The following TNR variants were observed in gnomAD, a reference collection of about 807,000 sequenced individuals.
TNR encodes tenascin-R.
A neutral mutation model predicts 150.4 loss-of-function variants in TNR; 45 were observed. The ratio of observed to expected loss-of-function variants is 0.30; its 90% confidence interval spans 0.24 to 0.38. The LOEUF (loss-of-function observed/expected upper bound fraction) is 0.38, where lower values mean the gene tolerates loss of function less well. TNR is among the 10% of genes least tolerant of loss of function. The probability of loss-of-function intolerance (pLI) is 1.00; values close to 1 mark genes in which losing one functional copy is unlikely to be tolerated. For synonymous variants in TNR, 687 were observed against 678.4 expected (o/e 1.01, Z -0.20); for missense variants, 1,544 against 1,759.1 (o/e 0.88, Z 2.19).
At chr1:175,677,025 G>A (rs1665885021) in intron 1 of TNR, among the ~76,000 whole-genome samples, 1 of 152,216 alleles carries the variant, frequency 6.6e-6, no homozygotes, top group South Asian at 2.1e-4. Context: ...AAAAGAAGTA[G>A]CCGAGATAGG....
intron 2 of TNR, among the ~76,000 whole-genome samples, chr1:175,486,061 G>A (rs1261876491): frequency 6.6e-6 from 1 of 151,900 alleles, no homozygotes; most frequent in Non-Finnish European, 1.5e-5. Flanking sequence ...CCATTAACTA[G>A]GAGGTACAGG....
chr1:175,542,348 G>A (rs947535477), intron 1 of TNR, among the ~76,000 whole-genome samples: 4 of 152,164 alleles, frequency 2.6e-5, no homozygotes, highest in Admixed American at 6.5e-5. Context: ...CATGCTTGGA[G>A]GCATTTAGCC....
Position 175,354,463 on chromosome 1 carries a change from C to A in TNR, c.3310G>T (p.Asp1104Tyr), listed in dbSNP as rs952053005. 18 of 1,614,098 alleles carry A rather than the reference C, an allele frequency of 1.1e-5. No homozygotes were observed. Among genetic ancestry groups the A allele is most frequent in the Non-Finnish European group, 1.5e-5 (18 of 1,179,980 alleles). The change falls in exon 18 of 23, where the codon GAC becomes TAC. Residue 1104 changes from aspartate (D) to tyrosine (Y), a missense_variant. By Grantham distance (160) the Asp-to-Tyr change is radical. Around this residue, in one of 2 missense-constraint regions of TNR, gnomAD observed 290 missense variants for 429.7 expected, o/e 0.67. Transcript: ENST00000367674. ...IRLEGLLENT[D>Y]YTVLLQAAQD... ...GCTGCCTGCAGGAGCACCGTGTAGT[C>A]TGTGTTCTCCAACAGGCCCTCCAGT...
chr1:175,522,346 T>G (rs764103383), intron 2 of TNR, among the ~76,000 whole-genome samples: 2 of 152,196 alleles, frequency 1.3e-5, no homozygotes, highest in Non-Finnish European at 2.9e-5. Flanking sequence ...AAGTGGGAGC[T>G]AAGCTATGAG....
intron 19 of TNR, among the ~76,000 whole-genome samples, chr1:175,336,440 C>T (rs1650255840): frequency 6.6e-6 from 1 of 152,222 alleles, no homozygotes; most frequent in African/African-American, 2.4e-5. Flanking sequence ...ACCCATTTTG[C>T]ACCAGGAAAC....
chr1:175,570,719 C>T (rs1043729847), intron 1 of TNR, among the ~76,000 whole-genome samples: 2 of 151,942 alleles, frequency 1.3e-5, no homozygotes, highest in African/African-American at 2.4e-5. Context: ...TTTCACAAAT[C>T]TATTCCTTAC....
chr1:175,461,058 T>G (rs898109950), intron 2 of TNR, among the ~76,000 whole-genome samples: 9 of 152,360 alleles, frequency 5.9e-5, no homozygotes, highest in African/African-American at 2.2e-4. Flanking sequence ...GGGCTTCTGC[T>G]ATTCAGCTTG....
At chr1:175,409,297 C>G (rs1032489287) in intron 2 of TNR, among the ~76,000 whole-genome samples, 1 of 152,158 alleles carries the variant, frequency 6.6e-6, no homozygotes, top group Non-Finnish European at 1.5e-5. Context: ...CATAACACCC[C>G]GTAGCACATA....
At position 175,386,205 on chromosome 1, in the gene TNR, A is replaced by T. The variant is rs1172762877; in HGVS notation, c.1604T>A (p.Leu535His). The T allele has an allele frequency of 6.2e-7, 1 of 1,612,214 alleles. No homozygotes were observed. The highest frequency in any genetic ancestry group is 8.5e-7 in the Non-Finnish European group (1 of 1,178,586). ...IPPRAKVDFI[L>H]LKYGLVGGEG... is the part of the protein sequence containing the mutation. The stretch of plus-strand genomic sequence containing the variant: ...CCCGCCCACCAGGCCATATTTCAAA[A>T]GAATGAAATCGACTTTGGCTCGAGG... Residue 535 changes from leucine to histidine, a missense_variant, in exon 8 of 23, where the codon CTT (leucine) becomes CAT (histidine). Physicochemically the swap from Leu to His is moderately conservative, Grantham distance 99 (BLOSUM62 -3). Coordinates refer to ENST00000367674, the MANE Select transcript of TNR (RefSeq NM_003285.3).
chr1:175,635,411 G>A (rs1355144335), intron 1 of TNR, among the ~76,000 whole-genome samples: 1 of 152,232 alleles, frequency 6.6e-6, no homozygotes, highest in East Asian at 1.9e-4. Context: ...ACATTTGCCT[G>A]CAACATCAGC....
intron 1 of TNR, among the ~76,000 whole-genome samples, chr1:175,605,045 A>T (rs1663366156): frequency 6.6e-6 from 1 of 152,224 alleles, no homozygotes; most frequent in Non-Finnish European, 1.5e-5. Flanking sequence ...CAAAGGGAGA[A>T]AGTGTAGGCA....
At chr1:175,451,174 G>T (rs966242221) in intron 2 of TNR, among the ~76,000 whole-genome samples, 3 of 150,092 alleles carry the variant, frequency 2.0e-5, no homozygotes, top group South Asian at 2.1e-4. Flanking sequence ...GGCCCAAAGA[G>T]ATTTAAAGCC....
At chr1:175,729,992 C>A (rs1312803562) in intron 1 of TNR, among the ~76,000 whole-genome samples, 1 of 152,174 alleles carries the variant, frequency 6.6e-6, no homozygotes, top group Non-Finnish European at 1.5e-5. Flanking sequence ...AGCTTGCATC[C>A]TACAACATAG....
intron 1 of TNR, among the ~76,000 whole-genome samples, chr1:175,635,394 G>A (rs1229735564): frequency 3.9e-5 from 6 of 152,220 alleles, no homozygotes; most frequent in African/African-American, 1.4e-4. Flanking sequence ...GATTTGTCCT[G>A]GTTTTAACAT....
intron 1 of TNR, among the ~76,000 whole-genome samples, chr1:175,582,125 A>T (rs72725456): frequency 6.6e-6 from 1 of 152,242 alleles, no homozygotes; most frequent in Non-Finnish European, 1.5e-5. Context: ...ATATTATCTC[A>T]TGACTTTTCC....
At chr1:175,360,849 C>A (rs907230595) in intron 14 of TNR, among the ~76,000 whole-genome samples, 3 of 152,162 alleles carry the variant, frequency 2.0e-5, no homozygotes, top group African/African-American at 7.2e-5. Flanking sequence ...CCTGAAGGAG[C>A]ACTCACTTCC....
At chr1:175,669,687 G>A (rs1302689576) in intron 1 of TNR, among the ~76,000 whole-genome samples, 1 of 152,220 alleles carries the variant, frequency 6.6e-6, no homozygotes, top group Non-Finnish European at 1.5e-5. Flanking sequence ...TGTGTGGGCA[G>A]AGAGGAAACC....
chr1:175,453,915 G>T (rs1175915518), intron 2 of TNR, among the ~76,000 whole-genome samples: 1 of 152,036 alleles, frequency 6.6e-6, no homozygotes, highest in East Asian at 1.9e-4. Flanking sequence ...TTTCATTTTA[G>T]CCATATTTCA....
chr1:175,417,059 G>GAAATAAAT (rs1308778598), intron 2 of TNR, among the ~76,000 whole-genome samples: 3 of 103,760 alleles, frequency 2.9e-5, no homozygotes, highest in East Asian at 3.1e-4. Flanking sequence ...AAGAAAGAAA[G>GAAATAAAT]AAAGAAAGAA....
Sources: allele counts gnomAD v4.1 joint callset (sites outside exome capture counted in the v4.1 genomes callset), GRCh38; gene constraint gnomAD v4.1.1; regional missense constraint gnomAD v4.1.1; transcripts MANE v1.5; gene names NCBI Gene and HGNC (gene_info 2026-07-23, HGNC 2026-07-21).